The following TMEM255B variants were observed in gnomAD, a reference collection of about 807,000 sequenced individuals.
TMEM255B encodes transmembrane protein 255B.
In TMEM255B, 35 loss-of-function variants were observed where a neutral mutation model predicts 34.5. That is an observed-to-expected ratio of 1.01 (90% CI 0.77 to 1.34). TMEM255B has a LOEUF of 1.34. Ranked by LOEUF, TMEM255B falls within the 40% of genes most tolerant of loss-of-function variation. The pLI is 0.00. For synonymous variants in TMEM255B, 206 were observed against 201.2 expected (o/e 1.02, Z -0.20); for missense variants, 432 against 433.2 (o/e 1.00, Z 0.02).
chr13:113,780,625 T>C (rs976201668), intron 3 of TMEM255B, among the ~76,000 whole-genome samples: 1 of 152,254 alleles, frequency 6.6e-6, no homozygotes, highest in Non-Finnish European at 1.5e-5. Flanking sequence ...CTGCCTGATA[T>C]TAATGAACAT....
chr13:113,802,909 C>A (rs1283565972), intron 7 of TMEM255B: 1 of 148,004 alleles, frequency 6.8e-6, no homozygotes, highest in African/African-American at 2.5e-5. Context: ...CCGGCCCCTG[C>A]GGTGGGAGCG....
At chr13:113,801,179 C>G (rs951400897) in intron 6 of TMEM255B, among the ~76,000 whole-genome samples, 2 of 152,214 alleles carry the variant, frequency 1.3e-5, no homozygotes, top group African/African-American at 2.4e-5. Context: ...GACATTGAGT[C>G]CATTTCACAG....
rs546971917 is a variant in TMEM255B at position 113,759,352 on chromosome 13, G to C, written c.46+37G>C. 8 of 1,228,890 alleles carry C rather than the reference G, an allele frequency of 6.5e-6. No homozygotes were observed. In the East Asian group the frequency reaches 9.5e-5, roughly 15 times the overall value. 76.1% of individuals were successfully genotyped at this position (1,228,890 alleles called of 1,614,324 possible). ...GCTGGGGGCTCGTCTCGGCTCCTGC[G>C]GGGGAGCGTGGGGACCCCGGGGCTG... On this transcript the variant is annotated intron_variant, in intron 1 of 8. Transcript: ENST00000375353.
intron 1 of TMEM255B, among the ~76,000 whole-genome samples, chr13:113,762,399 C>T (rs2050323239): frequency 6.6e-6 from 1 of 152,084 alleles, no homozygotes; most frequent in African/African-American, 2.4e-5. Context: ...TCCCAGTGCC[C>T]CATGTAAGTT....
At chr13:113,763,467 G>A (rs555932083) in intron 1 of TMEM255B, among the ~76,000 whole-genome samples, 1 of 152,020 alleles carries the variant, frequency 6.6e-6, no homozygotes, top group South Asian at 2.1e-4. Context: ...GGGATCTGTC[G>A]CCATCGCTCC....
rs539240483 is a variant in TMEM255B at position 113,775,940 on chromosome 13, A to T, written c.252+6780A>T. ...GCTTGAGTCAGACTTTTCCAGGTGC[A>T]CGTGGCCTGTGGCATCGGCAGGTCT... is the stretch of plus-strand genomic sequence containing the variant. On this transcript the variant is annotated intron_variant, in intron 3 of 8. Coordinates refer to ENST00000375353, the MANE Select transcript of TMEM255B (RefSeq NM_182614.4). 8.5e-5 allele frequency among the ~76,000 whole-genome samples: 13 copies of T among 152,294 alleles called. 1 individual carries two copies. The South Asian group carries it at 2.5e-3, about 29-fold the overall frequency.
chr13:113,779,684 A>G (rs1428901078), intron 3 of TMEM255B, among the ~76,000 whole-genome samples: 1 of 152,186 alleles, frequency 6.6e-6, no homozygotes, highest in East Asian at 1.9e-4. Context: ...ATGGGGCTTT[A>G]AGAAAGCACA....
At chr13:113,771,193 TCTCTGTAGATTCCTA>T (rs2050471995) in intron 3 of TMEM255B, among the ~76,000 whole-genome samples, 1 of 152,120 alleles carries the variant, frequency 6.6e-6, no homozygotes, top group Admixed American at 6.5e-5. Flanking sequence ...CAACTTCCTG[TCTCTGTAGATTCCTA>T]CTCTGGGCCT....
chr13:113,790,631 T>A (rs1418956007), intron 3 of TMEM255B, among the ~76,000 whole-genome samples: 1 of 141,636 alleles, frequency 7.1e-6, no homozygotes, highest in East Asian at 2.1e-4. Context: ...ACTGGACACA[T>A]GGATATCCTA....
At chr13:113,766,436 G>C (rs751710897) in intron 2 of TMEM255B, 179 bp downstream of exon 2, 20 of 908,662 alleles carry the variant, frequency 2.2e-5, no homozygotes, top group Admixed American at 1.0e-4. Flanking sequence ...CCCAGGACCT[G>C]GGACAGTGGC....
rs367888415 is a variant in TMEM255B at position 113,802,873 on chromosome 13, G to T, written c.669+1061G>T. 3.8e-4 allele frequency among the ~76,000 whole-genome samples: 57 copies of T among 148,230 alleles called. 3 individuals carry two copies. Among genetic ancestry groups the T allele is most frequent in the African/African-American group, 1.4e-3 (55 of 40,702 alleles). On this transcript the variant is annotated intron_variant, in intron 7 of 8. Coordinates refer to ENST00000375353, the MANE Select transcript of TMEM255B (RefSeq NM_182614.4). ...CAACACAAGACAGGCACCTCCCAGG[G>T]GTCCTTGCTCTGTGGTGACAGCCGG...
At chr13:113,808,801 G>GGGC (rs140180986) in intron 8 of TMEM255B, among the ~76,000 whole-genome samples, 1 of 102,934 alleles carries the variant, frequency 9.7e-6, no homozygotes, top group Non-Finnish European at 1.9e-5. Flanking sequence ...CTGGGGGGGG[G>GGGC]GTTACTCCAT....
rs1423816305 is a variant in TMEM255B, at chr13:113,813,549, C to T, written c.*1646C>T. Reference sequence around the variant, plus strand: ...CCCCCTCTGCTGCCCGGGAGCCTCCCTCTGTCCGATGGAGGGTCTCACACA... The same window carrying T: ...CCCCCTCTGCTGCCCGGGAGCCTCCTTCTGTCCGATGGAGGGTCTCACACA... On this transcript the variant is annotated 3_prime_UTR_variant, in exon 9 of 9. Coordinates refer to ENST00000375353, the MANE Select transcript of TMEM255B (RefSeq NM_182614.4). 5 of 148,586 alleles carry T rather than the reference C, an allele frequency of 3.4e-5. No individual in the cohort carries two copies. Among genetic ancestry groups the T allele is most frequent in the Non-Finnish European group, 1.5e-5 (1 of 65,822 alleles). 9.2% of individuals were successfully genotyped at this position (148,586 alleles called of 1,614,324 possible).
chr13:113,788,721 C>G (rs2050781414), intron 3 of TMEM255B, among the ~76,000 whole-genome samples: 1 of 152,138 alleles, frequency 6.6e-6, no homozygotes, highest in Non-Finnish European at 1.5e-5. Flanking sequence ...CCGTTTGTCT[C>G]TGCACACTCG....
chr13:113,768,479 C>T, intron 2 of TMEM255B, among the ~76,000 whole-genome samples: 1 of 152,194 alleles, frequency 6.6e-6, no homozygotes, highest in East Asian at 1.9e-4. Flanking sequence ...GGGGGCTCTG[C>T]CGGACCCCTG....
chr13:113,775,346 T>C (rs2050558594), intron 3 of TMEM255B, among the ~76,000 whole-genome samples: 1 of 152,248 alleles, frequency 6.6e-6, no homozygotes, highest in Non-Finnish European at 1.5e-5. Flanking sequence ...TAGCTTCTGC[T>C]CAGGGCCTCG....
In TMEM255B at chr13:113,809,585, G is replaced by A. The variant is rs898643340; in HGVS notation, c.814-2151G>A. Among the ~76,000 whole-genome samples, 10 of 143,150 alleles carry A rather than the reference G, an allele frequency of 7.0e-5. 1 individual carries two copies. The highest frequency in any genetic ancestry group is 1.1e-4 in the Non-Finnish European group (7 of 65,642). 93.9% of individuals were successfully genotyped at this position (143,150 alleles called of 152,430 possible). Reference sequence around the variant, plus strand: ...GGGGAGGGGTTACTCTGTGGTTCCTGGGGGGAGGGGTTTACTCCGTGGTTC... The same window carrying A: ...GGGGAGGGGTTACTCTGTGGTTCCTAGGGGGAGGGGTTTACTCCGTGGTTC... On this transcript the variant is annotated intron_variant, in intron 8 of 8. Transcript: ENST00000375353.
At chr13:113,776,246 G>A (rs977809061) in intron 3 of TMEM255B, among the ~76,000 whole-genome samples, 3 of 152,240 alleles carry the variant, frequency 2.0e-5, no homozygotes, top group Admixed American at 6.5e-5. Flanking sequence ...CTTGGGGGCC[G>A]CCCGCCCTGC....
At chr13:113,796,679 C>T (rs924748861) in intron 4 of TMEM255B, among the ~76,000 whole-genome samples, 2 of 152,230 alleles carry the variant, frequency 1.3e-5, no homozygotes, top group African/African-American at 4.8e-5. Flanking sequence ...GCCATCCCCC[C>T]TCCTCCCTGG....
Sources: allele counts gnomAD v4.1 joint callset (sites outside exome capture counted in the v4.1 genomes callset), GRCh38; gene constraint gnomAD v4.1.1; transcripts MANE v1.5; gene names NCBI Gene and HGNC (gene_info 2026-07-23, HGNC 2026-07-21).